The following XYLT1 variants were observed in gnomAD, a reference collection of about 807,000 sequenced individuals.
The protein encoded by XYLT1 is beta-D-xylosyltransferase 1.
In XYLT1, 36 loss-of-function variants were observed where a neutral mutation model predicts 91.3. The observed-to-expected ratio is 0.39, with a 90% CI of 0.30 to 0.52. The LOEUF is 0.52. XYLT1 is among the 20% of genes least tolerant of loss of function. The probability of loss-of-function intolerance (pLI) is 0.68; values close to 1 mark genes in which losing one functional copy is unlikely to be tolerated. For synonymous variants in XYLT1, 588 were observed against 532.0 expected (o/e 1.11, Z -1.45); for missense variants, 1,242 against 1,284.5 (o/e 0.97, Z 0.51).
intron 1 of XYLT1, among the ~76,000 whole-genome samples, chr16:17,384,972 C>T (rs1025671844): frequency 2.6e-5 from 4 of 151,772 alleles, no homozygotes; most frequent in Non-Finnish European, 5.9e-5. Flanking sequence ...GACAGAGGGG[C>T]GACAGTTAGT....
intron 3 of XYLT1, among the ~76,000 whole-genome samples, chr16:17,206,326 A>G (rs1484687501): frequency 6.6e-6 from 1 of 151,962 alleles, no homozygotes; most frequent in African/African-American, 2.4e-5. Context: ...GGAAATTTTA[A>G]AAGAGGTTTT....
chr16:17,162,453 C>T (rs186677491), intron 5 of XYLT1, among the ~76,000 whole-genome samples: 106 of 150,714 alleles, frequency 7.0e-4, no homozygotes, highest in Admixed American at 1.3e-3. Flanking sequence ...ATTTTACGGA[C>T]GGGCAACCGA....
chr16:17,232,335 T>C (rs2141722411), intron 3 of XYLT1, among the ~76,000 whole-genome samples: 1 of 143,714 alleles, frequency 7.0e-6, no homozygotes, highest in South Asian at 2.2e-4. Context: ...GGACCACCAT[T>C]GTATATGCAG....
At chr16:17,322,234 T>C (rs1284172700) in intron 2 of XYLT1, among the ~76,000 whole-genome samples, 1 of 152,162 alleles carries the variant, frequency 6.6e-6, no homozygotes, top group Non-Finnish European at 1.5e-5. Flanking sequence ...TTTTAGCCTA[T>C]TCTGTTAAAC....
At chr16:17,245,987 T>C (rs561493157) in intron 3 of XYLT1, among the ~76,000 whole-genome samples, 4 of 152,296 alleles carry the variant, frequency 2.6e-5, no homozygotes, top group Admixed American at 1.3e-4. Context: ...GTGGGTCTCA[T>C]TGCAACAGAC....
chr16:17,211,287 G>A (rs2141599303), intron 3 of XYLT1, among the ~76,000 whole-genome samples: 1 of 152,204 alleles, frequency 6.6e-6, no homozygotes, highest in East Asian at 1.9e-4. Flanking sequence ...TAAAGGCAAA[G>A]GGCAGGGGGA....
intron 5 of XYLT1, among the ~76,000 whole-genome samples, chr16:17,163,307 C>CATGAAGATA (rs2031596839): frequency 6.6e-6 from 1 of 152,166 alleles, no homozygotes; most frequent in Admixed American, 6.5e-5. Context: ...CAGCTCTGGA[C>CATGAAGATA]ATGAAGATAT....
intron 5 of XYLT1, among the ~76,000 whole-genome samples, chr16:17,188,336 T>A (rs756994285): frequency 6.6e-6 from 1 of 152,196 alleles, no homozygotes; most frequent in Non-Finnish European, 1.5e-5. Flanking sequence ...GAGGCTTTAG[T>A]GACCCAACAG....
chr16:17,309,852 C>A (rs1410026215), intron 2 of XYLT1, among the ~76,000 whole-genome samples: 1 of 152,058 alleles, frequency 6.6e-6, no homozygotes, highest in African/African-American at 2.4e-5. Context: ...ATGCTTCTTG[C>A]TTGTGAACTT....
intron 1 of XYLT1, among the ~76,000 whole-genome samples, chr16:17,469,314 C>T (rs955577433): frequency 1.3e-5 from 2 of 152,240 alleles, no homozygotes; most frequent in Admixed American, 6.5e-5. Context: ...TATCCTTTAA[C>T]GGCTAGGCAA....
chr16:17,324,742 C>G (rs948654275), intron 2 of XYLT1, among the ~76,000 whole-genome samples: 1 of 152,114 alleles, frequency 6.6e-6, no homozygotes, highest in Non-Finnish European at 1.5e-5. Flanking sequence ...TTAATGTGCA[C>G]CACATGTTTT....
At chr16:17,218,922 A>T (rs767716200) in intron 3 of XYLT1, among the ~76,000 whole-genome samples, 77 of 152,166 alleles carry the variant, frequency 5.1e-4, no homozygotes, top group Non-Finnish European at 9.1e-4. Context: ...GGGCAGTGGC[A>T]GGGGGCAGGG....
At chr16:17,112,760 T>A (rs1291227415) in intron 11 of XYLT1, among the ~76,000 whole-genome samples, 3 of 151,708 alleles carry the variant, frequency 2.0e-5, no homozygotes, top group Non-Finnish European at 4.4e-5. Flanking sequence ...CAAGAAAACA[T>A]GAGGTCTCTG....
chr16:17,176,121 G>A (rs1056254983), intron 5 of XYLT1, among the ~76,000 whole-genome samples: 2 of 152,174 alleles, frequency 1.3e-5, no homozygotes, highest in South Asian at 2.1e-4. Context: ...CCACAGTGGT[G>A]TTATATGGGA....
At chr16:17,146,062 G>T (rs1363391780) in intron 6 of XYLT1, among the ~76,000 whole-genome samples, 3 of 151,998 alleles carry the variant, frequency 2.0e-5, no homozygotes, top group African/African-American at 7.2e-5. Flanking sequence ...GCTGAAGATG[G>T]TCCTGCCCTG....
At chr16:17,423,980 T>C (rs1424221249) in intron 1 of XYLT1, among the ~76,000 whole-genome samples, 1 of 152,192 alleles carries the variant, frequency 6.6e-6, no homozygotes, top group East Asian at 1.9e-4. Flanking sequence ...GCAAAATCCA[T>C]GGGAACCTAT....
Position 17,302,885 on chromosome 16 carries a change from C to T in XYLT1, c.403-43387G>A, listed in dbSNP as rs571229745. 2.1e-4 allele frequency among the ~76,000 whole-genome samples: 31 copies of T among 151,072 alleles called. 1 individual carries two copies. The highest frequency in any genetic ancestry group is 7.2e-4 in the African/African-American group (29 of 40,526). On this transcript the variant is annotated intron_variant, in intron 2 of 11. Coordinates refer to ENST00000261381, the MANE Select transcript of XYLT1 (RefSeq NM_022166.4). ...GGGAAGGAAGGGGTTGACCTTGGGTCTAGAATGGGTGAGGGGGAGAGAAAA... is the reference window on the plus strand; with the variant it reads ...GGGAAGGAAGGGGTTGACCTTGGGTTTAGAATGGGTGAGGGGGAGAGAAAA...
At chr16:17,337,021 G>T (rs2034990869) in intron 2 of XYLT1, among the ~76,000 whole-genome samples, 1 of 152,134 alleles carries the variant, frequency 6.6e-6, no homozygotes, top group Non-Finnish European at 1.5e-5. Context: ...AACCCCAACT[G>T]TGGCTCTGAA....
chr16:17,129,921 C>T (rs2030406794), intron 9 of XYLT1, among the ~76,000 whole-genome samples: 1 of 152,178 alleles, frequency 6.6e-6, no homozygotes, highest in African/African-American at 2.4e-5. Context: ...GGAGGCAGAA[C>T]CTATTTTTCT....
Sources: allele counts gnomAD v4.1 joint callset (sites outside exome capture counted in the v4.1 genomes callset), GRCh38; gene constraint gnomAD v4.1.1; transcripts MANE v1.5; gene names NCBI Gene and HGNC (gene_info 2026-07-23, HGNC 2026-07-21).